DOCK8: variants seen among roughly 807,000 people sequenced by gnomAD.
DOCK8 encodes dedicator of cytokinesis protein 8.
In DOCK8, 141 loss-of-function variants were observed where a neutral mutation model predicts 245.6. That is an observed-to-expected ratio of 0.57 (90% CI 0.50 to 0.66). The LOEUF is 0.66. Ranked by LOEUF, DOCK8 falls within the 30% of genes least tolerant of loss-of-function variation. The pLI is 0.00. For missense variants in DOCK8, 2,965 were observed against 2,603.4 expected, an observed-to-expected ratio of 1.14 and a Z score of -3.02; for synonymous variants, 1,168 against 970.2, an observed-to-expected ratio of 1.20 and a Z score of -3.79.
At chr9:387,174 T>A (rs2053988714) in intron 23 of DOCK8, among the ~76,000 whole-genome samples, 1 of 152,216 alleles carries the variant, frequency 6.6e-6, no homozygotes, top group South Asian at 2.1e-4. Context: ...CAGGGCACAG[T>A]GGTTCATACC....
In DOCK8 at chr9:391,821, CTTTTTTTTTTT is replaced by C. The variant is rs373810616; in HGVS notation, c.2970+1268_2970+1278del. On this transcript the variant is annotated intron_variant, in intron 24 of 47. Transcript: ENST00000432829. Reference sequence around the variant, plus strand: ...CTTTCCCCTGTCCCATTAAGTGAATCTTTTTTTTTTTTTTTTTTTTTTTAAAGAGAGTCTAG... The same window carrying C: ...CTTTCCCCTGTCCCATTAAGTGAATCTTTTTTTTTTTTAAAGAGAGTCTAG... Among the ~76,000 whole-genome samples, 31 of 116,280 alleles carry C rather than the reference CTTTTTTTTTTT, an allele frequency of 2.7e-4. No homozygotes were observed. The Middle Eastern group carries it at 0.013, about 49-fold the overall frequency. 76.3% of individuals were successfully genotyped at this position (116,280 alleles called of 152,430 possible).
intron 14 of DOCK8, among the ~76,000 whole-genome samples, chr9:341,644 C>T (rs181570688): frequency 9.2e-5 from 14 of 152,308 alleles, no homozygotes; most frequent in African/African-American, 2.2e-4. Flanking sequence ...CATCTGTGAA[C>T]GCTCAATGGC....
At chr9:259,588 G>C (rs1299398829) in intron 1 of DOCK8, among the ~76,000 whole-genome samples, 1 of 152,178 alleles carries the variant, frequency 6.6e-6, no homozygotes, top group Non-Finnish European at 1.5e-5. Flanking sequence ...TTGCTGTGTG[G>C]ATTCACTGAG....
intron 1 of DOCK8, among the ~76,000 whole-genome samples, chr9:228,413 A>G (rs903137979): frequency 6.6e-5 from 10 of 152,152 alleles, no homozygotes; most frequent in Admixed American, 1.3e-4. Flanking sequence ...CTCTGATGAC[A>G]CTGACATACT....
chr9:232,207 T>G (rs1459059626), intron 1 of DOCK8, among the ~76,000 whole-genome samples: 2 of 152,210 alleles, frequency 1.3e-5, no homozygotes, highest in African/African-American at 4.8e-5. Flanking sequence ...TTTATTGATT[T>G]GTGTATGTTG....
intron 1 of DOCK8, among the ~76,000 whole-genome samples, chr9:261,159 T>C (rs1330567570): frequency 1.3e-5 from 2 of 150,116 alleles, no homozygotes; most frequent in African/African-American, 4.9e-5. Context: ...CAGACAGGAG[T>C]AGGAGGGAGA....
intron 26 of DOCK8, among the ~76,000 whole-genome samples, chr9:400,097 C>CCTCCACCAT (rs2054736150): frequency 1.8e-5 from 1 of 55,740 alleles, no homozygotes; most frequent in Non-Finnish European, 3.3e-5. Context: ...TCCACCATCA[C>CCTCCACCAT]CACCACCACC....
intron 26 of DOCK8, among the ~76,000 whole-genome samples, chr9:400,949 A>ACCACCTCCT (rs1554692462): frequency 6.2e-5 from 7 of 113,374 alleles, no homozygotes; most frequent in Non-Finnish European, 1.3e-4. Flanking sequence ...CACCACCATC[A>ACCACCTCCT]CCACCACCAC....
intron 5 of DOCK8, among the ~76,000 whole-genome samples, chr9:310,821 A>G (rs1244715133): frequency 2.0e-5 from 3 of 152,228 alleles, no homozygotes; most frequent in Non-Finnish European, 4.4e-5. Context: ...AATTAGTATG[A>G]CAGACAAATT....
chr9:227,995 A>T (rs1368283307), intron 1 of DOCK8, among the ~76,000 whole-genome samples: 3 of 152,162 alleles, frequency 2.0e-5, no homozygotes, highest in Non-Finnish European at 4.4e-5. Context: ...GAAGGTGGTC[A>T]TTGAAAACCT....
intron 36 of DOCK8, among the ~76,000 whole-genome samples, chr9:431,760 T>C (rs1384675769): frequency 1.3e-5 from 2 of 152,150 alleles, no homozygotes; most frequent in Non-Finnish European, 1.5e-5. Context: ...CCACCCTCCT[T>C]GGCCTCCCAA....
chr9:294,711 A>C (rs1195004538), intron 4 of DOCK8, among the ~76,000 whole-genome samples: 1 of 152,236 alleles, frequency 6.6e-6, no homozygotes, highest in Non-Finnish European at 1.5e-5. Flanking sequence ...ATTGCCAAAA[A>C]CTGGAAGAAA....
At chr9:251,602 C>G (rs1158651695) in intron 1 of DOCK8, among the ~76,000 whole-genome samples, 2 of 152,168 alleles carry the variant, frequency 1.3e-5, no homozygotes, top group African/African-American at 4.8e-5. Context: ...ATAACATTTT[C>G]CAGTAGGGCT....
chr9:284,994 T>G (rs1021709155), intron 2 of DOCK8, among the ~76,000 whole-genome samples: 6 of 152,292 alleles, frequency 3.9e-5, no homozygotes, highest in Non-Finnish European at 5.9e-5. Context: ...TATGTGGTCC[T>G]GGGCTTAATA....
chr9:394,501 T>G (rs1336266293), intron 24 of DOCK8, among the ~76,000 whole-genome samples: 1 of 152,236 alleles, frequency 6.6e-6, no homozygotes, highest in Non-Finnish European at 1.5e-5. Context: ...CCTGGGCAAT[T>G]TAACACCCTC....
intron 5 of DOCK8, among the ~76,000 whole-genome samples, chr9:311,509 A>C (rs1402467053): frequency 6.7e-6 from 1 of 149,288 alleles, no homozygotes; most frequent in African/African-American, 2.5e-5. Context: ...CACCTTGTCT[A>C]CCCAAGGACT....
rs370947795 is a variant in DOCK8, at chr9:344,924, T to C, written c.1679+4603T>C. On this transcript the variant is annotated intron_variant, in intron 14 of 47. Coordinates refer to ENST00000432829, the MANE Select transcript of DOCK8 (RefSeq NM_203447.4). The stretch of plus-strand genomic sequence containing the variant: ...AAAAGTAACTGGGCGTGGTGGTGGG[T>C]GCCTGTAATCCCAGCTACTCAGGAG... Among the ~76,000 whole-genome samples the C allele has an allele frequency of 3.1e-3, 479 of 152,100 alleles. 4 individuals carry two copies. Among genetic ancestry groups the C allele is most frequent in the African/African-American group, 0.011 (454 of 41,458 alleles).
intron 24 of DOCK8, among the ~76,000 whole-genome samples, chr9:392,669 T>C (rs80150401): frequency 6.6e-6 from 1 of 152,126 alleles, no homozygotes; most frequent in African/African-American, 2.4e-5. Flanking sequence ...AATTTTTTTT[T>C]CATTCCAAAA....
At chr9:400,357 T>A (rs796124615) in intron 26 of DOCK8, among the ~76,000 whole-genome samples, 27 of 40,586 alleles carry the variant, frequency 6.7e-4, no homozygotes, top group Non-Finnish European at 1.2e-3. Context: ...CACCACCTCC[T>A]CCACCATCAC....
Sources: allele counts gnomAD v4.1 joint callset (sites outside exome capture counted in the v4.1 genomes callset), GRCh38; gene constraint gnomAD v4.1.1; transcripts MANE v1.5; gene names NCBI Gene and HGNC (gene_info 2026-07-23, HGNC 2026-07-21).